Variants in GRM4 observed in about 807,000 individuals in gnomAD.
GRM4 encodes the protein glutamate metabotropic receptor 4, also known as metabotropic glutamate receptor 4.
Under a neutral mutation model 81.7 loss-of-function variants are expected in GRM4, and 28 were observed. That is an observed-to-expected ratio of 0.34 (90% confidence interval 0.25 to 0.47). The LOEUF (loss-of-function observed/expected upper bound fraction) is 0.47, where lower values mean the gene tolerates loss of function less well. Among genes scored for constraint, GRM4 ranks in the 20% least tolerant of loss-of-function variants. GRM4 has a pLI of 1.00. For synonymous variants in GRM4, 488 were observed against 528.8 expected (o/e 0.92, Z 1.06); for missense variants, 948 against 1,290.0 (o/e 0.73, Z 4.06).
rs1765401336 is a variant in GRM4 at position 34,047,208 on chromosome 6, T to C, written c.1169-6460A>G. On this transcript the variant is annotated intron_variant, in intron 6 of 10. Transcript: ENST00000538487. This position sits in a 1 kb window ranked among gnomAD's most constrained non-coding sequence, Gnocchi z 4.5. ...TCTCCTTTCCTCCCTGACACGCCCC[T>C]GCTGGATGACACCCCACCCCTGGAG... 6.6e-6 allele frequency among the ~76,000 whole-genome samples: 1 copy of C among 152,110 alleles called. No homozygotes were observed. The highest frequency in any genetic ancestry group is 6.5e-5 in the Admixed American group (1 of 15,278).
Position 34,019,509 on chromosome 6 carries a change from C to T in GRM4, c.*3312G>A, listed in dbSNP as rs749884276. The T allele has an allele frequency of 1.3e-5, 2 of 152,102 alleles. No homozygotes were observed. Among genetic ancestry groups the T allele is most frequent in the Non-Finnish European group, 2.9e-5 (2 of 68,068 alleles). 9.4% of individuals were successfully genotyped at this position (152,102 alleles called of 1,614,324 possible). Reference sequence around the variant, plus strand: ...ATATGCCCGTGCCCAGCCCTCCCCCCAGAAGTTCAGGTCCAGTGTTCTGGA... The same window carrying T: ...ATATGCCCGTGCCCAGCCCTCCCCCTAGAAGTTCAGGTCCAGTGTTCTGGA... On this transcript the variant is annotated 3_prime_UTR_variant, in exon 11 of 11. Transcript: ENST00000538487.
chr6:34,145,952 C>T, intron 1 of GRM4, 48 bp downstream of exon 1: 1 of 977,380 alleles, frequency 1.0e-6, no homozygotes. Context: ...CGCCCTCTTC[C>T]GGAAGCCCCC....
rs10635207 is a variant in GRM4 at position 34,136,563 on chromosome 6, G to GACACACACACACACACAC, written c.-363-2722_-363-2705dup. Among the ~76,000 whole-genome samples the GACACACACACACACACAC allele has an allele frequency of 1.4e-3, 202 of 142,528 alleles. 1 individual carries two copies. Among genetic ancestry groups the GACACACACACACACACAC allele is most frequent in the Admixed American group, 3.8e-3 (55 of 14,518 alleles). The allele number at this position is 142,528 out of a possible 152,430, so 93.5% of individuals were successfully genotyped here. On this transcript the variant is annotated intron_variant, in intron 1 of 10. Transcript: ENST00000538487. The surrounding 1 kb of genome is among the most constrained non-coding windows in gnomAD (Gnocchi z 4.1). Reference sequence around the variant, plus strand: ...GCTGAGCAGTGCATGCGCGCGTGCGGACACACACACACACACACACACACA... The same window carrying GACACACACACACACACAC: ...GCTGAGCAGTGCATGCGCGCGTGCGGACACACACACACACACACACACACACACACACACACACACACA...
chr6:34,049,011 AGGTC>A (rs1765485251), intron 6 of GRM4, among the ~76,000 whole-genome samples: 1 of 152,124 alleles, frequency 6.6e-6, no homozygotes, highest in Non-Finnish European at 1.5e-5. Context: ...TAGAAATACG[AGGTC>A]ATTTCTCCGA....
At chr6:34,104,941 T>C (rs1769046072) in intron 2 of GRM4, among the ~76,000 whole-genome samples, 2 of 152,028 alleles carry the variant, frequency 1.3e-5, no homozygotes, top group African/African-American at 4.8e-5. Flanking sequence ...AAAACCTCAG[T>C]GTAGCGTCTG....
chr6:34,081,957 G>A (rs1381353792), intron 3 of GRM4, among the ~76,000 whole-genome samples: 1 of 152,154 alleles, frequency 6.6e-6, no homozygotes, highest in East Asian at 1.9e-4. Context: ...GAGCTGGGGT[G>A]AGCAGGGCCG....
At chr6:34,044,413 GACACACACAT>G (rs1765205272) in intron 6 of GRM4, among the ~76,000 whole-genome samples, 1 of 84,794 alleles carries the variant, frequency 1.2e-5, no homozygotes, top group Non-Finnish European at 2.6e-5. Flanking sequence ...TATATACACA[GACACACACAT>G]ACACACAGAC....
At chr6:34,055,111 T>C (rs1470383093) in intron 6 of GRM4, 3 of 152,202 alleles carry the variant, frequency 2.0e-5, no homozygotes, top group African/African-American at 7.2e-5. Flanking sequence ...GAGAGTGAAA[T>C]GTCTTTCACA....
In GRM4 at chr6:34,040,631, G is replaced by C. The variant is rs201655605; in HGVS notation, c.1286C>G (p.Pro429Arg). The C allele has an allele frequency of 3.1e-6, 5 of 1,613,998 alleles. No individual in the cohort carries two copies. The highest frequency in any genetic ancestry group is 4.2e-6 in the Non-Finnish European group (5 of 1,179,958). The change falls in exon 7 of 11, where the codon CCC (proline) becomes CGC (arginine). Residue 429 changes from proline to arginine, a missense_variant. Transcript: ENST00000538487. ...GCGCGGGCAGAGCCCCACGCGGCCG[G>C]GACACAGGTCACGGTGCATGGCGTG... Reference protein sequence around the residue: ...ALHAMHRDLCPGRVGLCPRMD... With the variant: ...ALHAMHRDLCRGRVGLCPRMD...
rs1343080178 is a variant in GRM4 at position 34,019,383 on chromosome 6, G to A, written c.*3438C>T. 6.6e-6 allele frequency: 1 copy of A among 152,256 alleles called. No individual in the cohort carries two copies. The highest frequency in any genetic ancestry group is 1.5e-5 in the Non-Finnish European group (1 of 68,064). The allele number at this position is 152,256 out of a possible 1,614,324, so 9.4% of individuals were successfully genotyped here. A position where few individuals can be genotyped will look rare whatever the true frequency, so the allele number is the denominator to read the frequency against. ...TTGGGCTTGAGCCCCAGGCAAGCTC[G>A]AGTGGGCACTGTTGCTCCCTCCTGA... On this transcript the variant is annotated 3_prime_UTR_variant, in exon 11 of 11. Transcript: ENST00000538487.
Position 34,036,418 on chromosome 6 carries a change from C to A in GRM4, c.1692G>T (p.Met564Ile). 6.2e-7 allele frequency: 1 copy of A among 1,612,752 alleles called. No individual in the cohort carries two copies. ...RYTCKTCPYD[M>I]RPTENRTGCR... ...AGCCCGTGCGGTTCTCTGTGGGCCG[C>A]ATGTCATAGGGACACGTCTTACAGG... is the stretch of plus-strand genomic sequence containing the variant. The change falls in exon 9 of 11, where the codon ATG becomes ATT. Residue 564 changes from methionine (M) to isoleucine (I), a missense_variant. Transcript: ENST00000538487. This position sits in a 1 kb window ranked among gnomAD's most constrained non-coding sequence, Gnocchi z 9.0.
intron 1 of GRM4, among the ~76,000 whole-genome samples, chr6:34,140,722 G>C (rs1295874613): frequency 1.3e-5 from 2 of 152,232 alleles, no homozygotes; most frequent in Non-Finnish European, 2.9e-5. Context: ...GCCATCTCTA[G>C]TTTTCCAGCA....
chr6:34,105,104 A>G (rs1769054223), intron 2 of GRM4, among the ~76,000 whole-genome samples: 1 of 152,150 alleles, frequency 6.6e-6, no homozygotes, highest in Non-Finnish European at 1.5e-5. Context: ...TATGTAATAT[A>G]TTGCACTATA....
intron 2 of GRM4, among the ~76,000 whole-genome samples, chr6:34,106,641 G>A (rs1017151761): frequency 6.6e-6 from 1 of 152,098 alleles, no homozygotes; most frequent in Non-Finnish European, 1.5e-5. Flanking sequence ...TGCACTGGCT[G>A]TTTCCACACA....
intron 8 of GRM4, among the ~76,000 whole-genome samples, chr6:34,039,272 A>C (rs1425318670): frequency 6.6e-6 from 1 of 152,208 alleles, no homozygotes; most frequent in African/African-American, 2.4e-5. Context: ...CTGCAGGCCA[A>C]GAGTGCTTTG....
rs2127509518 is a variant in GRM4 at position 34,130,074 on chromosome 6, C to A, written c.519+2904G>T. Among the ~76,000 whole-genome samples the A allele has an allele frequency of 6.6e-6, 1 of 152,316 alleles. No homozygotes were observed. The highest frequency in any genetic ancestry group is 2.1e-4 in the South Asian group (1 of 4,822). ...TGGGCGCAGGTCCCCTCCCCCAAGGCATCCCTCCCTCACCCTCTCCTTCCC... is the reference window on the plus strand; with the variant it reads ...TGGGCGCAGGTCCCCTCCCCCAAGGAATCCCTCCCTCACCCTCTCCTTCCC... On this transcript the variant is annotated intron_variant, in intron 2 of 10. Coordinates refer to ENST00000538487, the MANE Select transcript of GRM4 (RefSeq NM_000841.4). The surrounding 1 kb of genome is among the most constrained non-coding windows in gnomAD (Gnocchi z 4.1).
At position 34,114,764 on chromosome 6, in the gene GRM4, C is replaced by T. The variant is rs72888860; in HGVS notation, c.519+18214G>A. Among the ~76,000 whole-genome samples, 849 of 152,284 alleles carry T rather than the reference C, an allele frequency of 5.6e-3. 6 individuals are homozygous for T. The highest frequency in any genetic ancestry group is 8.0e-3 in the Non-Finnish European group (544 of 68,032). On this transcript the variant is annotated intron_variant, in intron 2 of 10. Coordinates refer to ENST00000538487, the MANE Select transcript of GRM4 (RefSeq NM_000841.4). This position sits in a 1 kb window ranked among gnomAD's most constrained non-coding sequence, Gnocchi z 4.3. ...AGCCCCTAGACCCTCACCTGTACCC[C>T]CTCACAGCCCTCCCATACCCCAGTT...
intron 1 of GRM4, among the ~76,000 whole-genome samples, chr6:34,138,359 C>G (rs1213244812): frequency 1.3e-5 from 2 of 152,256 alleles, no homozygotes; most frequent in African/African-American, 4.8e-5. Context: ...TCTCCATTCA[C>G]CTTTGTCTCT....
chr6:34,062,025 C>T lies in GRM4; in HGVS notation c.740G>A (p.Gly247Asp). Residue 247 changes from glycine to aspartate, a missense_variant, in exon 4 of 11, where the codon GGC becomes GAC. Coordinates refer to ENST00000538487, the MANE Select transcript of GRM4 (RefSeq NM_000841.4). ...CTTCACCGACTGGGCGATGCACACG[C>T]CCCCTGCAGGAGGGGCACCAGTTAG... is the stretch of plus-strand genomic sequence containing the variant. ...AFIQKSREDG[G>D]VCIAQSVKIP... is the part of the protein sequence containing the mutation. 6.2e-7 allele frequency: 1 copy of T among 1,609,288 alleles called. No individual in the cohort carries two copies. The highest frequency in any genetic ancestry group is 8.5e-7 in the Non-Finnish European group (1 of 1,176,488).
Sources: gnomAD v4.1 joint callset for allele counts (sites outside exome capture counted in the v4.1 genomes callset) on GRCh38, gnomAD v4.1.1 for gene constraint, Gnocchi (gnomAD v3.1) non-coding constraint, MANE v1.5 for transcripts, NCBI Gene and HGNC (gene_info 2026-07-23, HGNC 2026-07-21) for gene names.